The following PRELID2 variants were observed in gnomAD, a reference collection of about 807,000 sequenced individuals.
The protein encoded by PRELID2 is PRELI domain containing 2.
Under a neutral mutation model 28.4 loss-of-function variants are expected in PRELID2, and 25 were observed. That is an observed-to-expected ratio of 0.88 (90% CI 0.64 to 1.23). The LOEUF is 1.23. Among genes scored for constraint, PRELID2 ranks in the 50% most tolerant of loss-of-function variants. The probability of loss-of-function intolerance (pLI) is 0.00; values close to 1 mark genes in which losing one functional copy is unlikely to be tolerated. For synonymous variants in PRELID2, 76 were observed against 71.6 expected, an observed-to-expected ratio of 1.06 and a Z score of -0.31; for missense variants, 201 against 214.4, an observed-to-expected ratio of 0.94 and a Z score of 0.39.
the PRELID2 span, among the ~76,000 whole-genome samples, chr5:145,298,382 T>C: frequency 2.0e-5 from 3 of 152,178 alleles, no homozygotes; most frequent in African/African-American, 7.2e-5. Context: ...GGATTCCCTA[T>C]TTAATAAATG....
chr5:145,229,514 G>A, the PRELID2 span: 345 of 1,356,134 alleles, frequency 2.5e-4, no homozygotes, highest in Non-Finnish European at 3.0e-4. Context: ...AGGAGTCCCC[G>A]TGAGGGTGAC....
At chr5:145,588,040 A>G (rs936635548) in intron 1 of PRELID2, among the ~76,000 whole-genome samples, 1 of 152,160 alleles carries the variant, frequency 6.6e-6, no homozygotes, top group Non-Finnish European at 1.5e-5. Context: ...ATGCTGCCAG[A>G]TGAAGCAAGA....
At chr5:145,578,338 T>A (rs561591874) in intron 1 of PRELID2, among the ~76,000 whole-genome samples, 2 of 152,258 alleles carry the variant, frequency 1.3e-5, no homozygotes, top group Non-Finnish European at 2.9e-5. Context: ...GTGAAGCTTT[T>A]AAAATAACTT....
chr5:145,479,486 T>C, intron 1 of PRELID2, among the ~76,000 whole-genome samples: 1 of 152,162 alleles, frequency 6.6e-6, no homozygotes. Flanking sequence ...CCCCTGTGTA[T>C]GTGTGCTCAC....
At chr5:145,801,899 C>T (rs1482983520) in intron 4 of PRELID2, among the ~76,000 whole-genome samples, 1 of 152,198 alleles carries the variant, frequency 6.6e-6, no homozygotes, top group African/African-American at 2.4e-5. Flanking sequence ...CTCTTCCTTG[C>T]TACTGCTACT....
intron 1 of PRELID2, among the ~76,000 whole-genome samples, chr5:145,722,895 T>C (rs980303155): frequency 6.6e-6 from 1 of 152,112 alleles, no homozygotes; most frequent in African/African-American, 2.4e-5. Context: ...AAAAACATTG[T>C]ATCAAGGCTA....
chr5:145,585,350 A>G (rs377500349), intron 1 of PRELID2, among the ~76,000 whole-genome samples: 1 of 152,108 alleles, frequency 6.6e-6, no homozygotes, highest in African/African-American at 2.4e-5. Flanking sequence ...CTTAATACCT[A>G]GGTGATGGGA....
At chr5:145,689,986 CTTTTTTTTTTTT>C (rs749912789) in intron 1 of PRELID2, among the ~76,000 whole-genome samples, 1 of 114,898 alleles carries the variant, frequency 8.7e-6, no homozygotes, top group East Asian at 2.4e-4. Context: ...CTGTGGGGGT[CTTTTTTTTTTTT>C]TTTTTTTTTG....
chr5:145,665,359 G>C (rs145125032), intron 1 of PRELID2, among the ~76,000 whole-genome samples: 7 of 152,148 alleles, frequency 4.6e-5, no homozygotes, highest in African/African-American at 1.4e-4. Context: ...AATTGGAAAG[G>C]GGGGTGGTCA....
chr5:145,347,383 C>G, the PRELID2 span, among the ~76,000 whole-genome samples: 1 of 152,238 alleles, frequency 6.6e-6, no homozygotes, highest in Non-Finnish European at 1.5e-5. Context: ...TCCAGTTCAC[C>G]CACATTAGTA....
the PRELID2 span, among the ~76,000 whole-genome samples, chr5:145,452,047 T>G: frequency 6.6e-6 from 1 of 152,170 alleles, no homozygotes; most frequent in Admixed American, 6.5e-5. Flanking sequence ...CAATGAAATA[T>G]AATATCTTGC....
intron 1 of PRELID2, among the ~76,000 whole-genome samples, chr5:145,520,022 G>T (rs1752550405): frequency 6.6e-6 from 1 of 152,156 alleles, no homozygotes; most frequent in African/African-American, 2.4e-5. Context: ...TGAGCAAGTA[G>T]TCAGGATTCC....
intron 1 of PRELID2, among the ~76,000 whole-genome samples, chr5:145,644,006 A>T (rs1296052406): frequency 6.6e-6 from 1 of 152,150 alleles, no homozygotes; most frequent in Admixed American, 6.5e-5. Flanking sequence ...AGGTTTTGGT[A>T]TCAGGATGAT....
downstream of PRELID2, among the ~76,000 whole-genome samples, chr5:145,753,611 C>G (rs1367156433): frequency 6.6e-6 from 1 of 152,138 alleles, no homozygotes; most frequent in African/African-American, 2.4e-5. Context: ...AACATCATGA[C>G]TTCTGGCTTT....
chr5:145,289,917 G>A, the PRELID2 span, among the ~76,000 whole-genome samples: 1 of 152,052 alleles, frequency 6.6e-6, no homozygotes, highest in African/African-American at 2.4e-5. Flanking sequence ...GAGGTATTTT[G>A]CCAGACTTTT....
the PRELID2 span, among the ~76,000 whole-genome samples, chr5:145,264,321 T>C: frequency 1.3e-5 from 2 of 152,302 alleles, no homozygotes; most frequent in African/African-American, 4.8e-5. Context: ...ATACCAGGGA[T>C]GTAGGGATGG....
At chr5:145,308,485 G>A in the PRELID2 span, among the ~76,000 whole-genome samples, 1 of 152,128 alleles carries the variant, frequency 6.6e-6, no homozygotes, top group Non-Finnish European at 1.5e-5. Context: ...CTATACTGCA[G>A]AGTACTTTAG....
the PRELID2 span, among the ~76,000 whole-genome samples, chr5:145,349,100 C>G: frequency 6.6e-6 from 1 of 152,064 alleles, no homozygotes; most frequent in African/African-American, 2.4e-5. Flanking sequence ...CATGATTTAT[C>G]TGCTCATAAT....
chr5:145,751,280 T>G (rs569007021), intron 1 of PRELID2, among the ~76,000 whole-genome samples: 2 of 152,348 alleles, frequency 1.3e-5, no homozygotes, highest in African/African-American at 4.8e-5. Flanking sequence ...TTCCTGGATA[T>G]GCTGCGAGAA....
Sources: allele counts gnomAD v4.1 joint callset (sites outside exome capture counted in the v4.1 genomes callset), GRCh38; gene constraint gnomAD v4.1.1; transcripts MANE v1.5; gene names NCBI Gene and HGNC (gene_info 2026-07-23, HGNC 2026-07-21).